The following RCL1 variants were observed in gnomAD, a reference collection of about 807,000 sequenced individuals.
RCL1 encodes RNA terminal phosphate cyclase like 1, also known as RNA 3'-terminal phosphate cyclase-like protein.
In RCL1, 24 loss-of-function variants were observed where a neutral mutation model predicts 42.4. The observed-to-expected ratio is 0.57, with a 90% CI of 0.41 to 0.80. The LOEUF is 0.80. Among genes scored for constraint, RCL1 ranks in the 30% least tolerant of loss-of-function variants. RCL1 has a pLI of 0.00. For synonymous variants in RCL1, 228 were observed against 177.3 expected, an observed-to-expected ratio of 1.29 and a Z score of -2.27; for missense variants, 578 against 467.9, an observed-to-expected ratio of 1.24 and a Z score of -2.17.
At chr9:4,853,987 C>G (rs1006062714) in intron 8 of RCL1, among the ~76,000 whole-genome samples, 2 of 152,180 alleles carry the variant, frequency 1.3e-5, no homozygotes, top group African/African-American at 4.8e-5. Context: ...CCTGCCTCTA[C>G]TTGGGGTCAG....
chr9:4,854,658 GC>G (rs1445742026), intron 8 of RCL1, among the ~76,000 whole-genome samples: 1 of 152,186 alleles, frequency 6.6e-6, no homozygotes, highest in Non-Finnish European at 1.5e-5. Flanking sequence ...GGATCTGGCA[GC>G]CTGTCAAATC....
At chr9:4,855,752 C>G (rs1399766821) in intron 8 of RCL1, among the ~76,000 whole-genome samples, 3 of 152,112 alleles carry the variant, frequency 2.0e-5, no homozygotes, top group African/African-American at 7.2e-5. Context: ...AATCTAGTCT[C>G]TTACACAGTC....
intron 1 of RCL1, among the ~76,000 whole-genome samples, chr9:4,802,701 G>C (rs1029769851): frequency 8.5e-5 from 13 of 152,070 alleles, no homozygotes; most frequent in African/African-American, 2.4e-4. Context: ...TATTAAGGCA[G>C]GTAACTACAT....
At chr9:4,813,682 T>C (rs1164070747) in intron 1 of RCL1, among the ~76,000 whole-genome samples, 1 of 152,210 alleles carries the variant, frequency 6.6e-6, no homozygotes, top group East Asian at 1.9e-4. Flanking sequence ...GCCATCCCAT[T>C]ACTGGGTATA....
chr9:4,820,401 T>G (rs186234820), intron 1 of RCL1, among the ~76,000 whole-genome samples: 1 of 152,350 alleles, frequency 6.6e-6, no homozygotes, highest in East Asian at 1.9e-4. Context: ...TGAGTCTGCT[T>G]CTTTGAAGTG....
intron 1 of RCL1, among the ~76,000 whole-genome samples, chr9:4,822,887 T>A (rs1816640159): frequency 6.6e-6 from 1 of 152,122 alleles, no homozygotes; most frequent in Admixed American, 6.5e-5. Context: ...ATAAAAACAT[T>A]TATTAACATT....
At chr9:4,856,846 C>T (rs1817978664) in intron 8 of RCL1, among the ~76,000 whole-genome samples, 1 of 152,188 alleles carries the variant, frequency 6.6e-6, no homozygotes, top group African/African-American at 2.4e-5. Flanking sequence ...CATCTCTTAG[C>T]CCCTGATGCG....
At chr9:4,821,459 T>C (rs1289425859) in intron 1 of RCL1, among the ~76,000 whole-genome samples, 1 of 152,186 alleles carries the variant, frequency 6.6e-6, no homozygotes, top group Non-Finnish European at 1.5e-5. Flanking sequence ...CGTTTTGCTA[T>C]AACAATGTCA....
intron 1 of RCL1, among the ~76,000 whole-genome samples, chr9:4,807,031 A>G (rs1225828671): frequency 1.3e-5 from 2 of 152,134 alleles, no homozygotes; most frequent in Non-Finnish European, 2.9e-5. Flanking sequence ...ATATGTGTAG[A>G]GTTTACAGTG....
intron 6 of RCL1, among the ~76,000 whole-genome samples, chr9:4,844,065 A>G (rs1029673884): frequency 1.3e-5 from 2 of 152,192 alleles, no homozygotes; most frequent in African/African-American, 2.4e-5. Context: ...GTTCTTCTAT[A>G]TAGTGAGCTC....
chr9:4,852,038 T>C (rs1326974139), intron 8 of RCL1, among the ~76,000 whole-genome samples: 1 of 152,054 alleles, frequency 6.6e-6, no homozygotes, highest in African/African-American at 2.4e-5. Flanking sequence ...CCCGCCACCG[T>C]GCCTGGCTAA....
intron 5 of RCL1, among the ~76,000 whole-genome samples, chr9:4,835,496 C>T (rs896517456): frequency 6.6e-6 from 1 of 152,016 alleles, no homozygotes; most frequent in African/African-American, 2.4e-5. Flanking sequence ...GAAACAGCGG[C>T]TTGTGGGGAC....
chr9:4,825,727 A>G (rs1178359021), intron 2 of RCL1, among the ~76,000 whole-genome samples: 3 of 152,132 alleles, frequency 2.0e-5, no homozygotes, highest in African/African-American at 7.2e-5. Flanking sequence ...TTACATTGAT[A>G]TGTAAATCTA....
intron 3 of RCL1, among the ~76,000 whole-genome samples, chr9:4,832,623 C>T (rs1037975167): frequency 3.3e-5 from 5 of 152,024 alleles, no homozygotes; most frequent in Admixed American, 2.6e-4. Flanking sequence ...TCCTGGCCAA[C>T]ATGGTGAAAC....
chr9:4,842,925 C>T (rs1040615746), intron 6 of RCL1, among the ~76,000 whole-genome samples: 1 of 152,206 alleles, frequency 6.6e-6, no homozygotes, highest in African/African-American at 2.4e-5. Flanking sequence ...CTGCCACCAG[C>T]TTATAGTGTG....
intron 4 of RCL1, 107 bp from the exon 5 acceptor site, chr9:4,834,034 A>T: frequency 8.0e-7 from 1 of 1,253,190 alleles, no homozygotes; most frequent in Non-Finnish European, 1.1e-6. Context: ...TGGAAGAGCT[A>T]TGCCTTGTAA....
At chr9:4,852,159 G>T (rs1817776337) in intron 8 of RCL1, among the ~76,000 whole-genome samples, 1 of 152,178 alleles carries the variant, frequency 6.6e-6, no homozygotes, top group Non-Finnish European at 1.5e-5. Flanking sequence ...GGGATTGCAG[G>T]CCTGAGCCAC....
Position 4,792,988 on chromosome 9 carries a change from C to T in RCL1, c.-104C>T, listed in dbSNP as rs1587686071. On this transcript the variant is annotated 5_prime_UTR_variant, in exon 1 of 9. Coordinates refer to ENST00000381750, the MANE Select transcript of RCL1 (RefSeq NM_005772.5). ...GGGCTGCTGGAGGCAGCCCGAGCCGCCGCCGTCGGTGTCGCCGCCACCACC... is the reference window on the plus strand; with the variant it reads ...GGGCTGCTGGAGGCAGCCCGAGCCGTCGCCGTCGGTGTCGCCGCCACCACC... 2 of 1,377,570 alleles carry T rather than the reference C, an allele frequency of 1.5e-6. No individual in the cohort carries two copies. The highest frequency in any genetic ancestry group is 5.3e-5 in the East Asian group (2 of 37,872). 85.3% of individuals were successfully genotyped at this position (1,377,570 alleles called of 1,614,324 possible).
chr9:4,799,614 G>C (rs1221949428), intron 1 of RCL1, among the ~76,000 whole-genome samples: 1 of 152,024 alleles, frequency 6.6e-6, no homozygotes, highest in Non-Finnish European at 1.5e-5. Context: ...CTGTAATTTT[G>C]TCATTTGAAG....
Sources: gnomAD v4.1 joint callset for allele counts (sites outside exome capture counted in the v4.1 genomes callset) on GRCh38, gnomAD v4.1.1 for gene constraint, MANE v1.5 for transcripts, NCBI Gene and HGNC (gene_info 2026-07-23, HGNC 2026-07-21) for gene names.